The following RAB38 variants were observed in gnomAD, a reference collection of about 807,000 sequenced individuals.
RAB38 encodes RAB38, member RAS oncogene family.
A neutral mutation model predicts 18.4 loss-of-function variants in RAB38; 15 were observed. The ratio of observed to expected loss-of-function variants is 0.82; its 90% CI spans 0.55 to 1.26. RAB38 has a LOEUF of 1.26. Ranked by LOEUF, RAB38 falls within the 50% of genes most tolerant of loss-of-function variation. The probability of loss-of-function intolerance (pLI) is 0.00; values close to 1 mark genes in which losing one functional copy is unlikely to be tolerated. For synonymous variants in RAB38, 101 were observed against 104.4 expected (o/e 0.97, Z 0.20); for missense variants, 294 against 267.4 (o/e 1.10, Z -0.69).
chr11:88,152,439 A>G (rs1457404735), intron 1 of RAB38, among the ~76,000 whole-genome samples: 3 of 152,120 alleles, frequency 2.0e-5, no homozygotes, highest in African/African-American at 2.4e-5. Context: ...GTATATATAT[A>G]TGTGTGTGTG....
chr11:87,912,100 A>G, the RAB38 span, among the ~76,000 whole-genome samples: 3 of 151,932 alleles, frequency 2.0e-5, no homozygotes, highest in African/African-American at 7.2e-5. Context: ...ATTTGATTCA[A>G]TTTTCTAAAA....
At chr11:88,076,879 A>G in the RAB38 span, among the ~76,000 whole-genome samples, 1 of 149,130 alleles carries the variant, frequency 6.7e-6, no homozygotes, top group African/African-American at 2.5e-5. Flanking sequence ...AAATCACTTG[A>G]ACCTGGAAAG....
chr11:88,070,396 C>T, the RAB38 span, among the ~76,000 whole-genome samples: 1 of 152,216 alleles, frequency 6.6e-6, no homozygotes, highest in Non-Finnish European at 1.5e-5. Flanking sequence ...GACACGCCAC[C>T]TTCAAGAACT....
chr11:88,128,599 T>C (rs1053590125), intron 2 of RAB38, among the ~76,000 whole-genome samples: 4 of 152,196 alleles, frequency 2.6e-5, no homozygotes, highest in Non-Finnish European at 5.9e-5. Context: ...TCAGATCACC[T>C]TAATTTTTCC....
the RAB38 span, among the ~76,000 whole-genome samples, chr11:87,923,547 CTGTGTGTGTG>C: frequency 2.7e-5 from 4 of 146,868 alleles, no homozygotes; most frequent in Admixed American, 6.8e-5. Context: ...TCAATTAATT[CTGTGTGTGTG>C]TGTGTGTGTG....
chr11:88,035,298 C>A, the RAB38 span, among the ~76,000 whole-genome samples: 1 of 152,142 alleles, frequency 6.6e-6, no homozygotes, highest in Admixed American at 6.6e-5. Context: ...TTCTTCACAG[C>A]CAGTCTTGTA....
the RAB38 span, among the ~76,000 whole-genome samples, chr11:88,064,642 T>C: frequency 1.3e-5 from 2 of 152,346 alleles, no homozygotes; most frequent in South Asian, 2.1e-4. Context: ...TTAATTACCT[T>C]AGATTTATGT....
chr11:87,875,589 A>G, the RAB38 span, among the ~76,000 whole-genome samples: 1 of 151,448 alleles, frequency 6.6e-6, no homozygotes, highest in African/African-American at 2.4e-5. Context: ...TGTAGTACTG[A>G]GTATTATAGT....
the RAB38 span, among the ~76,000 whole-genome samples, chr11:88,039,496 A>G: frequency 6.6e-6 from 1 of 152,180 alleles, no homozygotes; most frequent in African/African-American, 2.4e-5. Flanking sequence ...GTATGAGGAA[A>G]AATGCAGAAA....
chr11:88,150,608 A>G (rs1943051799), intron 1 of RAB38, among the ~76,000 whole-genome samples: 1 of 152,248 alleles, frequency 6.6e-6, no homozygotes, highest in Non-Finnish European at 1.5e-5. Context: ...TTTACTAACC[A>G]TGAGAAATGT....
the RAB38 span, among the ~76,000 whole-genome samples, chr11:88,031,841 G>A: frequency 1.3e-5 from 2 of 152,162 alleles, no homozygotes. Flanking sequence ...TTCCCATGAA[G>A]CTACCAATGA....
the RAB38 span, among the ~76,000 whole-genome samples, chr11:87,903,580 G>C: frequency 1.4e-4 from 21 of 151,588 alleles, no homozygotes; most frequent in African/African-American, 5.1e-4. Flanking sequence ...CATAAAATGA[G>C]ATAGAAAATA....
the RAB38 span, among the ~76,000 whole-genome samples, chr11:88,077,899 A>G: frequency 6.6e-6 from 1 of 152,120 alleles, no homozygotes; most frequent in East Asian, 1.9e-4. Context: ...GCAACTATCC[A>G]TCTGCCAAGG....
chr11:88,044,106 T>G, the RAB38 span, among the ~76,000 whole-genome samples: 2 of 152,228 alleles, frequency 1.3e-5, no homozygotes, highest in African/African-American at 4.8e-5. Flanking sequence ...ATTTTATCCA[T>G]GGACTCAAAA....
chr11:87,886,048 C>G, the RAB38 span, among the ~76,000 whole-genome samples: 1 of 151,882 alleles, frequency 6.6e-6, no homozygotes, highest in African/African-American at 2.4e-5. Flanking sequence ...TCTCAAGTAG[C>G]CATATGTTTC....
chr11:87,976,053 AAT>A, the RAB38 span, among the ~76,000 whole-genome samples: 1 of 151,182 alleles, frequency 6.6e-6, no homozygotes, highest in East Asian at 1.9e-4. Context: ...CTGTGAAAGA[AAT>A]AGAATTAACA....
At chr11:87,858,946 T>TA in the RAB38 span, among the ~76,000 whole-genome samples, 15,533 of 131,806 alleles carry the variant, frequency 0.12, 992 homozygotes, top group Middle Eastern at 0.17. Flanking sequence ...AAATAAAAAG[T>TA]AAAAAAAAAA....
At chr11:88,126,592 C>A (rs1942697964) in intron 2 of RAB38, among the ~76,000 whole-genome samples, 1 of 151,948 alleles carries the variant, frequency 6.6e-6, no homozygotes, top group African/African-American at 2.4e-5. Context: ...AGGAGATATA[C>A]CTAATGTAAA....
At chr11:88,096,490 C>G in the RAB38 span, among the ~76,000 whole-genome samples, 2 of 151,882 alleles carry the variant, frequency 1.3e-5, no homozygotes, top group Non-Finnish European at 2.9e-5. Context: ...CTCATTAACA[C>G]CTAACATATT....
Sources: allele counts gnomAD v4.1 joint callset (sites outside exome capture counted in the v4.1 genomes callset), GRCh38; gene constraint gnomAD v4.1.1; transcripts MANE v1.5; gene names NCBI Gene and HGNC (gene_info 2026-07-23, HGNC 2026-07-21).